GPR158: variants seen among roughly 807,000 people sequenced by gnomAD.
GPR158 encodes metabotropic glycine receptor.
GPR158 carries 30 observed loss-of-function variants against 78.2 expected under a neutral mutation model. That is an observed-to-expected ratio of 0.38 (90% CI 0.29 to 0.52). The LOEUF is 0.52. GPR158 is among the 20% of genes least tolerant of loss of function. The pLI, the probability that GPR158 is intolerant of heterozygous loss-of-function variation, is 0.83. For missense variants in GPR158, 1,463 were observed against 1,523.5 expected (o/e 0.96, Z 0.66); for synonymous variants, 581 against 591.1 (o/e 0.98, Z 0.25).
chr10:25,204,878 T>C (rs899283457), intron 1 of GPR158, among the ~76,000 whole-genome samples: 7 of 150,654 alleles, frequency 4.6e-5, no homozygotes, highest in Middle Eastern at 3.4e-3. Flanking sequence ...TGATATGGTT[T>C]GGCTGTGTCC....
intron 5 of GPR158, among the ~76,000 whole-genome samples, chr10:25,501,439 C>T (rs1001339982): frequency 9.9e-5 from 15 of 152,182 alleles, no homozygotes; most frequent in Non-Finnish European, 1.9e-4. Context: ...TATATGTTTA[C>T]TCATGTATTG....
intron 2 of GPR158, among the ~76,000 whole-genome samples, chr10:25,331,670 T>C (rs1855125697): frequency 1.3e-5 from 2 of 152,198 alleles, no homozygotes; most frequent in South Asian, 4.1e-4. Context: ...TGCCTATGGC[T>C]TTCATCGGTA....
chr10:25,329,358 C>G (rs1173699424), intron 2 of GPR158, among the ~76,000 whole-genome samples: 1 of 151,192 alleles, frequency 6.6e-6, no homozygotes, highest in East Asian at 2.0e-4. Context: ...GAGAATGGCA[C>G]GAACCCCGGG....
intron 2 of GPR158, among the ~76,000 whole-genome samples, chr10:25,361,961 A>T (rs771646802): frequency 2.0e-5 from 3 of 151,956 alleles, no homozygotes; most frequent in Non-Finnish European, 4.4e-5. Context: ...TTCAGTGCAC[A>T]AAACTTTTTA....
intron 5 of GPR158, among the ~76,000 whole-genome samples, chr10:25,521,332 G>A (rs1314209425): frequency 2.0e-5 from 3 of 152,156 alleles, no homozygotes; most frequent in East Asian, 1.9e-4. Flanking sequence ...CTTCTGCGTC[G>A]CTCACGCTGG....
intron 4 of GPR158, among the ~76,000 whole-genome samples, chr10:25,422,255 G>A (rs112891333): frequency 0.012 from 1,873 of 152,198 alleles, 9 homozygotes; most frequent in Middle Eastern, 0.017. Flanking sequence ...GCAGGGGTCC[G>A]AAACCCCTGG....
At chr10:25,492,389 C>T (rs1452551767) in intron 5 of GPR158, among the ~76,000 whole-genome samples, 2 of 151,688 alleles carry the variant, frequency 1.3e-5, no homozygotes, top group African/African-American at 4.9e-5. Context: ...CTAGCTTCTT[C>T]AGTGGCACTT....
At chr10:25,230,082 T>C (rs1853428689) in intron 2 of GPR158, among the ~76,000 whole-genome samples, 1 of 151,816 alleles carries the variant, frequency 6.6e-6, no homozygotes, top group Admixed American at 6.6e-5. Flanking sequence ...AGAAGACACA[T>C]AGTTAAGAAT....
chr10:25,396,063 CTAT>C (rs1300111061), intron 3 of GPR158, 50 bp downstream of exon 3: 1 of 759,226 alleles, frequency 1.3e-6, no homozygotes, highest in East Asian at 2.8e-5. Context: ...ATCATATATA[CTAT>C]TATTACGAAG....
intron 2 of GPR158, among the ~76,000 whole-genome samples, chr10:25,390,968 C>T (rs1013198721): frequency 2.0e-5 from 3 of 152,102 alleles, no homozygotes; most frequent in Non-Finnish European, 4.4e-5. Flanking sequence ...CTTGGTGCCC[C>T]GTGTGTCAGC....
chr10:25,426,368 A>G, intron 4 of GPR158, among the ~76,000 whole-genome samples: 1 of 152,072 alleles, frequency 6.6e-6, no homozygotes, highest in South Asian at 2.1e-4. Flanking sequence ...ATACTACTTA[A>G]TTTACTATTT....
At chr10:25,390,233 T>C (rs1210440385) in intron 2 of GPR158, among the ~76,000 whole-genome samples, 1 of 152,208 alleles carries the variant, frequency 6.6e-6, no homozygotes. Context: ...GGGGTACTGC[T>C]ATTAAGATAC....
At chr10:25,232,738 C>T (rs1316856104) in intron 2 of GPR158, among the ~76,000 whole-genome samples, 1 of 152,108 alleles carries the variant, frequency 6.6e-6, no homozygotes, top group Non-Finnish European at 1.5e-5. Flanking sequence ...ACGCTTTTGT[C>T]CTCAAAGTAG....
At chr10:25,271,687 G>A (rs1250762702) in intron 2 of GPR158, among the ~76,000 whole-genome samples, 3 of 152,172 alleles carry the variant, frequency 2.0e-5, no homozygotes, top group Non-Finnish European at 4.4e-5. Flanking sequence ...TTGAGATGGA[G>A]TTTCCTTCTT....
intron 1 of GPR158, among the ~76,000 whole-genome samples, chr10:25,186,672 G>A (rs1852691560): frequency 6.6e-6 from 1 of 152,060 alleles, no homozygotes; most frequent in Non-Finnish European, 1.5e-5. Context: ...GATTAAACCA[G>A]GAAGAAGTTG....
chr10:25,418,884 C>G (rs1350233650), intron 4 of GPR158, among the ~76,000 whole-genome samples: 1 of 150,100 alleles, frequency 6.7e-6, no homozygotes, highest in Non-Finnish European at 1.5e-5. Flanking sequence ...TCCTCTATTG[C>G]TATAATCTTT....
At chr10:25,462,311 G>GA (rs1048306310) in intron 4 of GPR158, among the ~76,000 whole-genome samples, 1 of 152,152 alleles carries the variant, frequency 6.6e-6, no homozygotes, top group Non-Finnish European at 1.5e-5. Context: ...AGACTTCTCA[G>GA]AAAAAGATTC....
intron 4 of GPR158, among the ~76,000 whole-genome samples, chr10:25,444,112 C>G (rs983913963): frequency 6.6e-6 from 1 of 150,532 alleles, no homozygotes; most frequent in Non-Finnish European, 1.5e-5. Flanking sequence ...TGCCAGATAT[C>G]CCCTGGGGGG....
chr10:25,302,354 G>A (rs1352282789), intron 2 of GPR158, among the ~76,000 whole-genome samples: 1 of 151,902 alleles, frequency 6.6e-6, no homozygotes, highest in African/African-American at 2.4e-5. Context: ...AAAGCGCTGG[G>A]ATTACAGGCG....
Sources: allele counts gnomAD v4.1 joint callset (sites outside exome capture counted in the v4.1 genomes callset), GRCh38; gene constraint gnomAD v4.1.1; transcripts MANE v1.5; gene names NCBI Gene and HGNC (gene_info 2026-07-23, HGNC 2026-07-21).